MYO5A: variants seen among roughly 807,000 people sequenced by gnomAD.
MYO5A encodes myosin VA, also known as unconventional myosin-Va.
In MYO5A, 98 loss-of-function variants were observed where a neutral mutation model predicts 249.7. The ratio of observed to expected loss-of-function variants is 0.39; its 90% CI spans 0.33 to 0.46. The LOEUF (loss-of-function observed/expected upper bound fraction) is 0.46, where lower values mean the gene tolerates loss of function less well. Among genes scored for constraint, MYO5A ranks in the 20% least tolerant of loss-of-function variants. MYO5A has a pLI of 0.98. For synonymous variants in MYO5A, 778 were observed against 810.6 expected, an observed-to-expected ratio of 0.96 and a Z score of 0.68; for missense variants, 1,696 against 2,308.8, an observed-to-expected ratio of 0.73 and a Z score of 5.44.
chr15:52,503,700 T>C (rs945222205), intron 1 of MYO5A, among the ~76,000 whole-genome samples: 1 of 152,088 alleles, frequency 6.6e-6, no homozygotes, highest in African/African-American at 2.4e-5. Flanking sequence ...AAAAACTGAA[T>C]CAAAAAAATT....
intron 1 of MYO5A, among the ~76,000 whole-genome samples, chr15:52,447,017 T>G (rs2075906119): frequency 1.3e-5 from 2 of 152,034 alleles, no homozygotes; most frequent in African/African-American, 4.8e-5. Flanking sequence ...GTAGAATGAG[T>G]CAAGGCTTTG....
At chr15:52,365,701 T>C (rs1203021724) in intron 23 of MYO5A, among the ~76,000 whole-genome samples, 1 of 152,228 alleles carries the variant, frequency 6.6e-6, no homozygotes, top group Non-Finnish European at 1.5e-5. Context: ...TAATAATTTG[T>C]AAATGAATGA....
Position 52,314,208 on chromosome 15 carries a change from G to A in MYO5A, c.5410-5C>T. On this transcript the variant is annotated splice_polypyrimidine_tract_variant and splice_region_variant and intron_variant, in intron 40 of 41. Transcript: ENST00000399233. ...CAAATTCAACACTTTCACAATCTGT[G>A]AGAAATGAAATGATCAAAGTTTTTG... is the stretch of plus-strand genomic sequence containing the variant. The A allele has an allele frequency of 1.9e-6, 3 of 1,603,046 alleles. No individual in the cohort carries two copies. The highest frequency in any genetic ancestry group is 2.6e-6 in the Non-Finnish European group (3 of 1,170,260).
At chr15:52,337,286 G>A (rs138142374) in intron 33 of MYO5A, among the ~76,000 whole-genome samples, 74 of 152,284 alleles carry the variant, frequency 4.9e-4, no homozygotes, top group African/African-American at 1.7e-3. Flanking sequence ...ATGATTATTG[G>A]CTATTTAATA....
chr15:52,527,771 T>A (rs1165650120), intron 1 of MYO5A, among the ~76,000 whole-genome samples: 1 of 152,186 alleles, frequency 6.6e-6, no homozygotes, highest in Non-Finnish European at 1.5e-5. Flanking sequence ...GGCCCTGGAC[T>A]TCAGTGACAT....
chr15:52,481,569 C>T (rs2076715018), intron 1 of MYO5A, among the ~76,000 whole-genome samples: 1 of 152,102 alleles, frequency 6.6e-6, no homozygotes, highest in African/African-American at 2.4e-5. Context: ...GCAAACCTCA[C>T]CCAACTTGTG....
Position 52,370,326 on chromosome 15 carries a change from C to A in MYO5A, c.2909G>T (p.Arg970Leu). 1 of 1,614,124 alleles carries A rather than the reference C, an allele frequency of 6.2e-7. No individual in the cohort carries two copies. Among genetic ancestry groups the A allele is most frequent in the Non-Finnish European group, 8.5e-7 (1 of 1,180,018 alleles). Reference sequence around the variant, plus strand: ...CGCTTCCTCTTCACTTAGTTGAAGACGTTCTAAGTCACTTCGTAGTTTCTC... The same window carrying A: ...CGCTTCCTCTTCACTTAGTTGAAGAAGTTCTAAGTCACTTCGTAGTTTCTC... ...ETEKLRSDLE[R>L]LQLSEEEAKV... is the part of the protein sequence containing the mutation. Residue 970 changes from arginine (R) to leucine (L), a missense_variant, in exon 22 of 42, where the codon CGT (arginine) becomes CTT (leucine). This residue lies in a region of MYO5A where 412 missense variants were observed against 453.3 expected (regional missense o/e 0.91). Transcript: ENST00000399233.
At chr15:52,349,913 T>TTTATGATTATGA (rs3842662) in intron 28 of MYO5A, among the ~76,000 whole-genome samples, 3,182 of 151,336 alleles carry the variant, frequency 0.021, 91 homozygotes, top group African/African-American at 0.068. Flanking sequence ...GCTTAAGGGG[T>TTTATGATTATGA]TTATGATTAT....
At chr15:52,428,377 C>T (rs1480095683) in intron 3 of MYO5A, 21 bp downstream of exon 3, 5 of 1,606,688 alleles carry the variant, frequency 3.1e-6, no homozygotes, top group South Asian at 2.2e-5. Context: ...ACAGTCTATT[C>T]GGAAAGCAAA....
chr15:52,359,533 G>A (rs1407844416), intron 25 of MYO5A, among the ~76,000 whole-genome samples: 1 of 152,132 alleles, frequency 6.6e-6, no homozygotes, highest in East Asian at 1.9e-4. Flanking sequence ...GGGCACTGGT[G>A]TTTATAATAT....
chr15:52,379,586 G>C (rs755352221), intron 18 of MYO5A, 39 bp downstream of exon 18: 2 of 1,565,638 alleles, frequency 1.3e-6, no homozygotes, highest in Non-Finnish European at 1.8e-6. Context: ...GAACCACAAG[G>C]CCTTCTGCTC....
intron 1 of MYO5A, 120 bp downstream of exon 1, chr15:52,528,660 A>C (rs1595851246): frequency 1.7e-6 from 2 of 1,187,548 alleles, no homozygotes; most frequent in East Asian, 6.4e-5. Context: ...TGAGGCGCTG[A>C]AGGGGATGGC....
intron 1 of MYO5A, among the ~76,000 whole-genome samples, chr15:52,464,178 A>G (rs1451198719): frequency 6.6e-6 from 1 of 152,190 alleles, no homozygotes; most frequent in East Asian, 1.9e-4. Context: ...GCCCAACCCC[A>G]GGCCAAACCC....
At chr15:52,353,549 A>C in intron 27 of MYO5A, 56 bp downstream of exon 27, 7 of 1,435,352 alleles carry the variant, frequency 4.9e-6, no homozygotes, top group Non-Finnish European at 5.9e-6. Flanking sequence ...GAGGCTCTGA[A>C]TGGGCCTCTT....
At chr15:52,512,587 G>A (rs1486483224) in intron 1 of MYO5A, among the ~76,000 whole-genome samples, 2 of 152,124 alleles carry the variant, frequency 1.3e-5, no homozygotes, top group East Asian at 3.8e-4. Context: ...TCTGAGGACA[G>A]TGAGATTACA....
intron 1 of MYO5A, among the ~76,000 whole-genome samples, chr15:52,508,466 T>C (rs1168082499): frequency 2.6e-5 from 4 of 151,962 alleles, no homozygotes; most frequent in East Asian, 3.9e-4. Context: ...ACAACAAAAG[T>C]AGAAACATAA....
rs2041350544 is a variant in MYO5A at position 52,375,290 on chromosome 15, A to G, written c.2577+14T>C. On this transcript the variant is annotated intron_variant, in intron 20 of 41. Coordinates refer to ENST00000399233, the MANE Select transcript of MYO5A (RefSeq NM_001382347.1). ...TAATAGAATGAATAAACAAAGTTGA[A>G]AATAATGCCTCACCTTGCGATACCT... 1 of 1,613,810 alleles carries G rather than the reference A, an allele frequency of 6.2e-7. No homozygotes were observed. Among genetic ancestry groups the G allele is most frequent in the African/African-American group, 1.3e-5 (1 of 74,940 alleles).
chr15:52,378,487 C>T (rs1288035321), intron 18 of MYO5A, among the ~76,000 whole-genome samples: 3 of 73,668 alleles, frequency 4.1e-5, no homozygotes, highest in Admixed American at 2.3e-4. Context: ...CACTGTACTC[C>T]AGCCTGGGTG....
At chr15:52,458,330 C>T (rs2076162025) in intron 1 of MYO5A, among the ~76,000 whole-genome samples, 1 of 152,192 alleles carries the variant, frequency 6.6e-6, no homozygotes, top group African/African-American at 2.4e-5. Flanking sequence ...AATCCCAGCA[C>T]TTTGAAAGGC....
Sources: allele counts gnomAD v4.1 joint callset (sites outside exome capture counted in the v4.1 genomes callset), GRCh38; gene constraint gnomAD v4.1.1; regional missense constraint gnomAD v4.1.1; transcripts MANE v1.5; gene names NCBI Gene and HGNC (gene_info 2026-07-23, HGNC 2026-07-21).